RABGAP1L: variants seen among roughly 807,000 people sequenced by gnomAD.
RABGAP1L encodes RAB GTPase activating protein 1 like, also known as rab GTPase-activating protein 1-like.
In RABGAP1L, 63 loss-of-function variants were observed where a neutral mutation model predicts 137.7. The observed-to-expected ratio is 0.46, with a 90% CI of 0.37 to 0.56. RABGAP1L has a LOEUF of 0.56. Among genes scored for constraint, RABGAP1L ranks in the 20% least tolerant of loss-of-function variants. The pLI is 0.00. For synonymous variants in RABGAP1L, 431 were observed against 433.7 expected, an observed-to-expected ratio of 0.99 and a Z score of 0.08; for missense variants, 1,095 against 1,244.0, an observed-to-expected ratio of 0.88 and a Z score of 1.80.
intron 1 of RABGAP1L, among the ~76,000 whole-genome samples, chr1:174,179,003 CAAAAA>C (rs1156847073): frequency 2.0e-5 from 3 of 152,100 alleles, no homozygotes; most frequent in South Asian, 2.1e-4. Context: ...GTAAAACAAA[CAAAAA>C]CAAAACAAAA....
chr1:174,961,845 C>CAAAA (rs61233451), intron 20 of RABGAP1L, among the ~76,000 whole-genome samples: 4 of 88,740 alleles, frequency 4.5e-5, no homozygotes, highest in Non-Finnish European at 7.0e-5. Context: ...GACTCTGTCT[C>CAAAA]AAAAAAAAAA....
intron 17 of RABGAP1L, among the ~76,000 whole-genome samples, chr1:174,707,681 TC>T (rs1680159707): frequency 6.6e-6 from 1 of 152,196 alleles, no homozygotes; most frequent in Non-Finnish European, 1.5e-5. Flanking sequence ...TATACAGTAT[TC>T]AATTAATAAT....
At chr1:174,339,009 C>A (rs893463498) in intron 11 of RABGAP1L, among the ~76,000 whole-genome samples, 3 of 152,078 alleles carry the variant, frequency 2.0e-5, no homozygotes, top group Non-Finnish European at 4.4e-5. Context: ...TTATGTAATT[C>A]CTGAAAGTCT....
intron 14 of RABGAP1L, among the ~76,000 whole-genome samples, chr1:174,679,746 ACC>A (rs1677909804): frequency 6.6e-6 from 1 of 152,252 alleles, no homozygotes; most frequent in Non-Finnish European, 1.5e-5. Flanking sequence ...TTGTGAAGAT[ACC>A]ATTCTCCAAA....
intron 19 of RABGAP1L, among the ~76,000 whole-genome samples, chr1:174,935,720 G>A (rs892057569): frequency 2.6e-5 from 4 of 152,142 alleles, no homozygotes; most frequent in Admixed American, 1.3e-4. Flanking sequence ...AGTGGCTCAC[G>A]CCTGTAATCC....
chr1:174,860,508 T>C (rs1279381417), intron 19 of RABGAP1L, among the ~76,000 whole-genome samples: 1 of 151,900 alleles, frequency 6.6e-6, no homozygotes, highest in South Asian at 2.1e-4. Context: ...AGTAGAGAGG[T>C]AGGGTGGGGA....
At chr1:174,937,451 AT>A (rs1665037123) in intron 19 of RABGAP1L, among the ~76,000 whole-genome samples, 1 of 142,952 alleles carries the variant, frequency 7.0e-6, no homozygotes, top group African/African-American at 2.7e-5. Context: ...CACCCCGCTG[AT>A]TTTTTTCATT....
rs752601568 is a variant in RABGAP1L, at chr1:174,448,783, C to G, written c.1710+54638C>G. ...CCTTTGTTGTCTGCTTCACTTACTT[C>G]CACATTTTCAAAATTTGCCGTCAGC... On this transcript the variant is annotated intron_variant, in intron 13 of 25. Transcript: ENST00000681986. This position sits in a 1 kb window ranked among gnomAD's most constrained non-coding sequence, Gnocchi z 4.2. The G allele has an allele frequency of 1.9e-6, 3 of 1,613,854 alleles. No individual in the cohort carries two copies. The South Asian group carries it at 3.3e-5, about 18-fold the overall frequency.
intron 13 of RABGAP1L, among the ~76,000 whole-genome samples, chr1:174,595,630 T>A (rs1669825562): frequency 1.3e-5 from 2 of 150,198 alleles, no homozygotes; most frequent in African/African-American, 2.5e-5. Flanking sequence ...GGTGTCAGTG[T>A]GCCCCTGCTG....
intron 12 of RABGAP1L, among the ~76,000 whole-genome samples, chr1:174,393,346 G>T (rs1647393592): frequency 6.6e-6 from 1 of 152,162 alleles, no homozygotes; most frequent in Non-Finnish European, 1.5e-5. Flanking sequence ...TAACTTGGAG[G>T]TTCATTGATA....
intron 18 of RABGAP1L, among the ~76,000 whole-genome samples, chr1:174,756,448 C>G (rs990743631): frequency 1.3e-5 from 2 of 152,088 alleles, no homozygotes; most frequent in Non-Finnish European, 2.9e-5. Flanking sequence ...CCGCACCCTG[C>G]CCTGTACCAT....
chr1:174,299,894 A>G (rs970876643), intron 10 of RABGAP1L, among the ~76,000 whole-genome samples: 1 of 152,220 alleles, frequency 6.6e-6, no homozygotes, highest in African/African-American at 2.4e-5. Context: ...ATAGCTTATT[A>G]TAAACCATCT....
intron 13 of RABGAP1L, among the ~76,000 whole-genome samples, chr1:174,433,603 T>G (rs2149204297): frequency 6.6e-6 from 1 of 152,284 alleles, no homozygotes. Flanking sequence ...TCTCAGTGTC[T>G]CACTTGCAGC....
intron 19 of RABGAP1L, among the ~76,000 whole-genome samples, chr1:174,923,771 C>T (rs567705706): frequency 1.3e-5 from 2 of 150,952 alleles, no homozygotes; most frequent in East Asian, 2.0e-4. Flanking sequence ...ATCCCAGCTA[C>T]TTGGGAGGCT....
chr1:174,250,107 G>A (rs1672600792), intron 5 of RABGAP1L, among the ~76,000 whole-genome samples: 1 of 152,138 alleles, frequency 6.6e-6, no homozygotes, highest in African/African-American at 2.4e-5. Flanking sequence ...TCCATGAAGT[G>A]AAATGTACCC....
intron 11 of RABGAP1L, among the ~76,000 whole-genome samples, chr1:174,361,932 C>A (rs1306506821): frequency 6.6e-6 from 1 of 152,190 alleles, no homozygotes; most frequent in Non-Finnish European, 1.5e-5. Context: ...TCTGCCTCCT[C>A]TCACCCTCAG....
chr1:174,535,578 G>A (rs2147909315), intron 13 of RABGAP1L, among the ~76,000 whole-genome samples: 1 of 152,268 alleles, frequency 6.6e-6, no homozygotes, highest in Non-Finnish European at 1.5e-5. Flanking sequence ...GTTCAGTGGA[G>A]ACATCTTAGA....
chr1:174,842,761 G>A (rs1361699486), intron 19 of RABGAP1L, among the ~76,000 whole-genome samples: 1 of 152,116 alleles, frequency 6.6e-6, no homozygotes, highest in African/African-American at 2.4e-5. Context: ...CAGTGATCCT[G>A]TTCTCTGCTT....
At chr1:174,837,963 C>A (rs1049018033) in intron 19 of RABGAP1L, among the ~76,000 whole-genome samples, 1 of 152,094 alleles carries the variant, frequency 6.6e-6, no homozygotes. Flanking sequence ...GTGCTTGACC[C>A]TAGTGAATGG....
Sources: gnomAD v4.1 joint callset for allele counts (sites outside exome capture counted in the v4.1 genomes callset) on GRCh38, gnomAD v4.1.1 for gene constraint, Gnocchi (gnomAD v3.1) non-coding constraint, MANE v1.5 for transcripts, NCBI Gene and HGNC (gene_info 2026-07-23, HGNC 2026-07-21) for gene names.